Variants in FAM72A observed in about 807,000 individuals in gnomAD.
FAM72A encodes regulator of UNG2 and MKLN1 interacting yippee protein 1, also known as protein FAM72A.
Under a neutral mutation model 11.3 loss-of-function variants are expected in FAM72A, and 1 was observed. That is an observed-to-expected ratio of 0.09 (90% CI 0.03 to 0.42). FAM72A has a LOEUF of 0.42. FAM72A is among the 10% of genes least tolerant of loss of function. The pLI is 0.98. For missense variants in FAM72A, 15 were observed against 135.5 expected, an observed-to-expected ratio of 0.11 and a Z score of 4.41; for synonymous variants, 5 against 46.9, an observed-to-expected ratio of 0.11 and a Z score of 3.65.
chr1:206,193,745 GGAC>G (rs1664918967), intron 3 of FAM72A, among the ~76,000 whole-genome samples: 1 of 150,714 alleles, frequency 6.6e-6, no homozygotes, highest in Admixed American at 6.6e-5. Context: ...AACAAAGCCT[GGAC>G]GACAGCAAAT....
intron 3 of FAM72A, among the ~76,000 whole-genome samples, chr1:206,193,437 T>C (rs1262249443): frequency 1.3e-5 from 2 of 150,642 alleles, no homozygotes; most frequent in Non-Finnish European, 3.0e-5. Flanking sequence ...AGGTGATCCA[T>C]CCACCTCGGC....
intron 3 of FAM72A, among the ~76,000 whole-genome samples, chr1:206,191,719 A>ATT (rs1664809361): frequency 3.1e-5 from 4 of 128,980 alleles, no homozygotes; most frequent in African/African-American, 1.1e-4. Flanking sequence ...TCTTACTAAA[A>ATT]TATTATTTTT....
Position 206,186,953 on chromosome 1 carries a change from T to C in FAM72A, c.*326A>G, listed in dbSNP as rs1664564343. On this transcript the variant is annotated 3_prime_UTR_variant, in exon 4 of 4. Coordinates refer to ENST00000367128, the MANE Select transcript of FAM72A (RefSeq NM_001123168.3). ...TCAGGAATGTAAAATTAATGGTATC[T>C]GGTATCAAGTTGTAAGAAAAACTCC... is the stretch of plus-strand genomic sequence containing the variant. The C allele has an allele frequency of 4.4e-6, 1 of 225,338 alleles. No individual in the cohort carries two copies. The highest frequency in any genetic ancestry group is 2.3e-5 in the African/African-American group (1 of 42,674). 14.0% of individuals were successfully genotyped at this position (225,338 alleles called of 1,614,324 possible).
intron 2 of FAM72A, among the ~76,000 whole-genome samples, chr1:206,198,506 T>C (rs1263039475): frequency 2.8e-5 from 4 of 144,136 alleles, no homozygotes; most frequent in Admixed American, 2.1e-4. Context: ...AGGAATGAAA[T>C]CAAATAGCAC....
In FAM72A at chr1:206,187,289, C is replaced by T. The variant is rs1553296977; in HGVS notation, c.440G>A (p.Cys147Tyr). The T allele has an allele frequency of 3.1e-6, 5 of 1,602,704 alleles. No homozygotes were observed. The East Asian group carries it at 6.7e-5, about 21-fold the overall frequency. The change falls in exon 4 of 4, where the codon TGT becomes TAT. Residue 147 changes from cysteine to tyrosine, a missense_variant. Physicochemically the swap from Cys to Tyr is radical, Grantham distance 194 (BLOSUM62 -2). This residue lies in a region of FAM72A where 10 missense variants were observed against 35.1 expected (regional missense o/e 0.29). Transcript: ENST00000367128. ...EDVLNISAEECIR is the reference protein window; with the variant it reads ...EDVLNISAEEYIR ...ATATCATAATTCCATTTATCTAATA[C>T]ACTCCTCTGCTGAGATATTTAACAC...
chr1:206,190,549 G>A (rs1253026862), intron 3 of FAM72A, among the ~76,000 whole-genome samples: 10 of 147,324 alleles, frequency 6.8e-5, no homozygotes, highest in Non-Finnish European at 1.5e-4. Context: ...AGGAACCTAA[G>A]AATGCTAGTG....
intron 2 of FAM72A, among the ~76,000 whole-genome samples, chr1:206,197,832 T>G (rs1665146531): frequency 6.6e-6 from 1 of 151,006 alleles, no homozygotes; most frequent in East Asian, 2.0e-4. Flanking sequence ...GAGAATCACT[T>G]GAACCCAGAA....
chr1:206,191,724 A>ATTTTTTTTTTTTTTT (rs1190560887), intron 3 of FAM72A, among the ~76,000 whole-genome samples: 1 of 103,690 alleles, frequency 9.6e-6, no homozygotes, highest in Non-Finnish European at 1.8e-5. Context: ...CTAAAATATT[A>ATTTTTTTTTTTTTTT]TTTTTTTTTT....
intron 3 of FAM72A, among the ~76,000 whole-genome samples, chr1:206,191,710 C>T (rs1412208995): frequency 7.5e-6 from 1 of 133,652 alleles, no homozygotes; most frequent in African/African-American, 3.0e-5. Flanking sequence ...AGTGTACTTT[C>T]TTACTAAAAT....
Position 206,187,309 on chromosome 1 carries a change from T to G in FAM72A, c.420A>C (p.Leu140Phe). ...EIEESTDEDV[L>F]NISAEECIR is the part of the protein sequence containing the mutation. ...TAATACACTCCTCTGCTGAGATATTTAACACATCTTCATCTGTACTCTCTT... is the reference window on the plus strand; with the variant it reads ...TAATACACTCCTCTGCTGAGATATTGAACACATCTTCATCTGTACTCTCTT... The change falls in exon 4 of 4, where the codon TTA (leucine) becomes TTC (phenylalanine). Residue 140 changes from leucine (L) to phenylalanine (F), a missense_variant. By Grantham distance (22) the Leu-to-Phe change is conservative (BLOSUM62 0). Transcript: ENST00000367128. The G allele has an allele frequency of 6.2e-7, 1 of 1,610,784 alleles. No individual in the cohort carries two copies. The highest frequency in any genetic ancestry group is 1.1e-5 in the South Asian group (1 of 90,624).
chr1:206,203,824 C>T, upstream of FAM72A: 1 of 1,527,196 alleles, frequency 6.5e-7, no homozygotes, highest in Non-Finnish European at 8.8e-7. Context: ...CTCCAAATCT[C>T]CCAGTACAGC....
chr1:206,203,149 G>C (rs1665479719), upstream of FAM72A: 2 of 211,612 alleles, frequency 9.5e-6, no homozygotes, highest in South Asian at 1.8e-4. Context: ...CGCCCTTCCC[G>C]CTTCTTATTG....
At chr1:206,187,425 A>G in intron 3 of FAM72A, 52 bp from the exon 4 acceptor site, 1 of 1,597,132 alleles carries the variant, frequency 6.3e-7, no homozygotes, top group South Asian at 1.1e-5. Flanking sequence ...GTTATAACTC[A>G]GAACACGAAT....
intron 3 of FAM72A, among the ~76,000 whole-genome samples, chr1:206,192,889 A>T (rs561178131): frequency 6.6e-6 from 1 of 151,228 alleles, no homozygotes; most frequent in Non-Finnish European, 1.5e-5. Context: ...GCTACACTAA[A>T]CAACAGATTT....
chr1:206,197,960 C>T (rs1336423250), intron 2 of FAM72A, among the ~76,000 whole-genome samples: 2 of 146,930 alleles, frequency 1.4e-5, no homozygotes, highest in African/African-American at 5.0e-5. Flanking sequence ...GTGGCTCACA[C>T]CTGTAATCTC....
intron 2 of FAM72A, among the ~76,000 whole-genome samples, chr1:206,198,605 T>G (rs1476272867): frequency 1.3e-5 from 2 of 150,838 alleles, no homozygotes; most frequent in African/African-American, 4.9e-5. Context: ...AATGAGAAAA[T>G]TTCAACTTTT....
At chr1:206,203,256 T>C (rs1553299678), upstream of FAM72A, 1 of 391,552 alleles carries the variant, frequency 2.6e-6, no homozygotes, top group African/African-American at 2.1e-5. Flanking sequence ...GGCCGTGCCT[T>C]AGCTCAAGAG....
At chr1:206,189,454 A>T (rs1664684529) in intron 3 of FAM72A, among the ~76,000 whole-genome samples, 1 of 136,496 alleles carries the variant, frequency 7.3e-6, no homozygotes, top group Admixed American at 7.4e-5. Flanking sequence ...AGAAAACGCT[A>T]CCCCACCCCC....
chr1:206,194,288 A>C (rs1359844922), intron 3 of FAM72A, among the ~76,000 whole-genome samples: 2 of 152,246 alleles, frequency 1.3e-5, no homozygotes, highest in Non-Finnish European at 2.9e-5. Flanking sequence ...TAATGGATGA[A>C]GAGTTGCTTT....
Sources: gnomAD v4.1 joint callset for allele counts (sites outside exome capture counted in the v4.1 genomes callset) on GRCh38, gnomAD v4.1.1 for gene constraint, gnomAD v4.1.1 regional missense constraint, MANE v1.5 for transcripts, NCBI Gene and HGNC (gene_info 2026-07-23, HGNC 2026-07-21) for gene names.